EML4: variants seen among roughly 807,000 people sequenced by gnomAD.
EML4 encodes the protein echinoderm microtubule-associated protein-like 4.
A neutral mutation model predicts 129.0 loss-of-function variants in EML4; 72 were observed. The ratio of observed to expected loss-of-function variants is 0.56; its 90% CI spans 0.46 to 0.68. The LOEUF is 0.68. Among genes scored for constraint, EML4 ranks in the 30% least tolerant of loss-of-function variants. The pLI is 0.00. For synonymous variants in EML4, 532 were observed against 405.0 expected (o/e 1.31, Z -3.77); for missense variants, 1,363 against 1,190.6 (o/e 1.14, Z -2.13).
chr2:42,245,624 T>G lies in EML4; in HGVS notation c.145T>G (p.Leu49Val). The G allele has an allele frequency of 6.2e-7, 1 of 1,613,776 alleles. No individual in the cohort carries two copies. Among genetic ancestry groups the G allele is most frequent in the Non-Finnish European group, 8.5e-7 (1 of 1,179,792 alleles). Reference protein sequence around the residue: ...TVLKAALADVLRRLAISEDHV... With the variant: ...TVLKAALADVVRRLAISEDHV... ...GCTAAAGGCGGCTTTGGCTGATGTT[T>G]TGAGGCGTCTTGCAATCTCTGAAGA... Residue 49 changes from leucine (L) to valine (V), a missense_variant, in exon 2 of 23, where the codon TTG (leucine) becomes GTG (valine). Transcript: ENST00000318522.
At chr2:42,318,588 A>G (rs758416556) in intron 19 of EML4, among the ~76,000 whole-genome samples, 5 of 152,218 alleles carry the variant, frequency 3.3e-5, no homozygotes, top group Non-Finnish European at 5.9e-5. Context: ...CTTTTAATTT[A>G]TCAACTTAAT....
At chr2:42,279,978 A>T (rs1411938720) in intron 6 of EML4, among the ~76,000 whole-genome samples, 1 of 152,106 alleles carries the variant, frequency 6.6e-6, no homozygotes, top group African/African-American at 2.4e-5. Flanking sequence ...TTATTTAACT[A>T]TTGAGTTCCT....
At chr2:42,227,929 T>G (rs1363249583) in intron 1 of EML4, among the ~76,000 whole-genome samples, 3 of 152,066 alleles carry the variant, frequency 2.0e-5, no homozygotes, top group Non-Finnish European at 4.4e-5. Context: ...GAGTCAAAAA[T>G]TATACATAGG....
chr2:42,181,712 G>A (rs1670955788), intron 1 of EML4, among the ~76,000 whole-genome samples: 1 of 152,064 alleles, frequency 6.6e-6, no homozygotes, highest in Admixed American at 6.6e-5. Context: ...CTTTTGCCAC[G>A]TTCTCATCAT....
At chr2:42,279,081 T>C (rs1666852760) in intron 6 of EML4, among the ~76,000 whole-genome samples, 1 of 152,230 alleles carries the variant, frequency 6.6e-6, no homozygotes, top group Non-Finnish European at 1.5e-5. Flanking sequence ...TTCTTAGCAC[T>C]GTCTTGAAAA....
At position 42,182,398 on chromosome 2, in the gene EML4, C is replaced by T. The variant is rs181117877; in HGVS notation, c.25+12762C>T. On this transcript the variant is annotated intron_variant, in intron 1 of 22. Coordinates refer to ENST00000318522, the MANE Select transcript of EML4 (RefSeq NM_019063.5). The stretch of plus-strand genomic sequence containing the variant: ...CCCCCTCATCTTGTGCCGACATTCT[C>T]ATCCCACCAGGGCTCCAGCATCCTA... Among the ~76,000 whole-genome samples, 21 of 150,836 alleles carry T rather than the reference C, an allele frequency of 1.4e-4. No individual in the cohort carries two copies. The East Asian group carries it at 3.5e-3, about 25-fold the overall frequency.
At chr2:42,295,575 C>G in intron 13 of EML4, 59 bp downstream of exon 13, 3 of 1,480,156 alleles carry the variant, frequency 2.0e-6, no homozygotes, top group South Asian at 2.6e-5. Flanking sequence ...CTCTTTCAGT[C>G]CCATCTCTTA....
intron 1 of EML4, among the ~76,000 whole-genome samples, chr2:42,231,061 A>G (rs956535455): frequency 5.3e-5 from 8 of 152,134 alleles, no homozygotes; most frequent in African/African-American, 1.2e-4. Flanking sequence ...TCCATCTTCA[A>G]TCACATTCCT....
chr2:42,324,047 C>T (rs1669662925), intron 19 of EML4, among the ~76,000 whole-genome samples: 1 of 152,060 alleles, frequency 6.6e-6, no homozygotes, highest in African/African-American at 2.4e-5. Context: ...GTAATCCCAG[C>T]ACTTTGGGAG....
intron 11 of EML4, among the ~76,000 whole-genome samples, chr2:42,290,679 C>G (rs544033522): frequency 2.0e-5 from 3 of 152,068 alleles, no homozygotes; most frequent in African/African-American, 7.2e-5. Flanking sequence ...CTGCAGTGAG[C>G]TGAGATTGTG....
At chr2:42,204,674 G>C (rs1412679567) in intron 1 of EML4, among the ~76,000 whole-genome samples, 2 of 152,194 alleles carry the variant, frequency 1.3e-5, no homozygotes, top group Non-Finnish European at 2.9e-5. Flanking sequence ...ATGGTGATGG[G>C]ATCAGATTTG....
chr2:42,221,403 C>CTTT lies in EML4; in HGVS notation c.26-24080_26-24078dup, dbSNP rs74816568. ...AGCACATTGTTTACAACATGGTTTA[C>CTTT]TTTTTTTTTTTTTTTTTTTTTTTTG... is the stretch of plus-strand genomic sequence containing the variant. On this transcript the variant is annotated intron_variant, in intron 1 of 22. Coordinates refer to ENST00000318522, the MANE Select transcript of EML4 (RefSeq NM_019063.5). Among the ~76,000 whole-genome samples, 91 of 108,244 alleles carry CTTT rather than the reference C, an allele frequency of 8.4e-4. 4 individuals carry two copies. Among genetic ancestry groups the CTTT allele is most frequent in the Non-Finnish European group, 1.4e-3 (72 of 53,206 alleles). 71.0% of individuals were successfully genotyped at this position (108,244 alleles called of 152,430 possible).
chr2:42,208,239 A>T (rs895698819), intron 1 of EML4, among the ~76,000 whole-genome samples: 1 of 152,126 alleles, frequency 6.6e-6, no homozygotes, highest in Non-Finnish European at 1.5e-5. Context: ...AGATTTTGAG[A>T]TAAATTTTCA....
intron 13 of EML4, among the ~76,000 whole-genome samples, chr2:42,300,606 A>T (rs1480626623): frequency 1.3e-5 from 2 of 152,178 alleles, no homozygotes; most frequent in African/African-American, 2.4e-5. Flanking sequence ...TCCATTGCCT[A>T]CCTTTGTCCC....
chr2:42,315,923 T>C, intron 17 of EML4, 39 bp from the exon 18 acceptor site: 1 of 1,441,102 alleles, frequency 6.9e-7, no homozygotes, highest in Non-Finnish European at 9.6e-7. Flanking sequence ...CTATAAATGC[T>C]AATATCTGAA....
intron 1 of EML4, among the ~76,000 whole-genome samples, chr2:42,219,683 C>T (rs956760014): frequency 2.6e-5 from 4 of 151,850 alleles, no homozygotes; most frequent in South Asian, 2.1e-4. Flanking sequence ...TTTGGGAGGC[C>T]GAGGTGGGCA....
Position 42,330,321 on chromosome 2 carries a change from C to T in EML4, c.*114C>T. ...CACTGTTGATTGAGATTTTGGTTTC[C>T]ATGTGATTTGTTTTCTTCAATAGTC... On this transcript the variant is annotated 3_prime_UTR_variant, in exon 23 of 23. Coordinates refer to ENST00000318522, the MANE Select transcript of EML4 (RefSeq NM_019063.5). 1 of 967,294 alleles carries T rather than the reference C, an allele frequency of 1.0e-6. No homozygotes were observed. Among genetic ancestry groups the T allele is most frequent in the South Asian group, 1.4e-5 (1 of 72,828 alleles). The allele number at this position is 967,294 out of a possible 1,614,324, so 59.9% of individuals were successfully genotyped here. A position where few individuals can be genotyped will look rare whatever the true frequency, so the allele number is the denominator to read the frequency against.
intron 1 of EML4, among the ~76,000 whole-genome samples, chr2:42,196,863 C>T (rs937956087): frequency 2.6e-5 from 4 of 152,090 alleles, no homozygotes; most frequent in African/African-American, 9.7e-5. Context: ...CTGCCTCCAC[C>T]CTGCCCTCTA....
intron 10 of EML4, among the ~76,000 whole-genome samples, chr2:42,286,907 C>T (rs1310138462): frequency 6.6e-6 from 1 of 152,170 alleles, no homozygotes; most frequent in Non-Finnish European, 1.5e-5. Flanking sequence ...TTTTCCCCAG[C>T]AGTCCTTTCT....
Sources: gnomAD v4.1 joint callset for allele counts (sites outside exome capture counted in the v4.1 genomes callset) on GRCh38, gnomAD v4.1.1 for gene constraint, MANE v1.5 for transcripts, NCBI Gene and HGNC (gene_info 2026-07-23, HGNC 2026-07-21) for gene names.